The following IRF6 variants were observed in gnomAD, a reference collection of about 807,000 sequenced individuals.
IRF6 encodes the protein interferon regulatory factor 6.
Under a neutral mutation model 51.4 loss-of-function variants are expected in IRF6, and 6 were observed. That is an observed-to-expected ratio of 0.12 (90% confidence interval 0.06 to 0.23). IRF6 has a LOEUF of 0.23. Ranked by LOEUF, IRF6 falls within the 10% of genes least tolerant of loss-of-function variation. The probability of loss-of-function intolerance (pLI) is 1.00; values close to 1 mark genes in which losing one functional copy is unlikely to be tolerated. For synonymous variants in IRF6, 178 were observed against 215.7 expected (o/e 0.83, Z 1.53); for missense variants, 348 against 585.2 (o/e 0.59, Z 4.18).
At chr1:209,804,387 G>A (rs1263206433) in intron 1 of IRF6, among the ~76,000 whole-genome samples, 1 of 152,096 alleles carries the variant, frequency 6.6e-6, no homozygotes, top group Non-Finnish European at 1.5e-5. Context: ...TGCGCACCAA[G>A]AAAGTAAACT....
chr1:209,789,055 G>A (rs1246942252), intron 8 of IRF6, among the ~76,000 whole-genome samples: 4 of 152,360 alleles, frequency 2.6e-5, no homozygotes, highest in East Asian at 1.9e-4. Flanking sequence ...GCCAGGTATC[G>A]TGGCTTACAC....
At chr1:209,795,254 C>T in intron 5 of IRF6, 36 bp downstream of exon 5, 1 of 1,612,476 alleles carries the variant, frequency 6.2e-7, no homozygotes, top group East Asian at 2.2e-5. Flanking sequence ...CTTACATCCT[C>T]CATATGTCTC....
Position 209,801,208 on chromosome 1 carries a change from A to G in IRF6, c.174+32T>C, listed in dbSNP as rs754950431. 5 of 1,446,396 alleles carry G rather than the reference A, an allele frequency of 3.5e-6. No homozygotes were observed. The South Asian group carries it at 5.9e-5, about 17-fold the overall frequency. 89.6% of individuals were successfully genotyped at this position (1,446,396 alleles called of 1,614,324 possible). A position where few individuals can be genotyped will look rare whatever the true frequency, so the allele number is the denominator to read the frequency against. ...CAAAAAAAAAAAAAAAAAAAAATCC[A>G]GAAAGGTCTGATGGTAGAAGAAGTC... On this transcript the variant is annotated intron_variant, in intron 3 of 8. Coordinates refer to ENST00000367021, the MANE Select transcript of IRF6 (RefSeq NM_006147.4).
chr1:209,792,506 G>A, intron 5 of IRF6, 79 bp from the exon 6 acceptor site: 2 of 1,495,984 alleles, frequency 1.3e-6, no homozygotes, highest in South Asian at 1.1e-5. Context: ...AACTCACAAG[G>A]TCAGTAGACA....
chr1:209,802,659 T>C (rs1379828789), intron 1 of IRF6, among the ~76,000 whole-genome samples: 1 of 152,168 alleles, frequency 6.6e-6, no homozygotes, highest in Non-Finnish European at 1.5e-5. Context: ...CACTGGAACT[T>C]CTCAAGCCCC....
intron 3 of IRF6, among the ~76,000 whole-genome samples, chr1:209,799,546 A>G (rs1438043852): frequency 6.6e-6 from 1 of 152,190 alleles, no homozygotes; most frequent in Non-Finnish European, 1.5e-5. Context: ...CTCCCCCTGC[A>G]CTCTGCAAAC....
chr1:209,800,940 AC>A (rs1378303729), intron 3 of IRF6, among the ~76,000 whole-genome samples: 3 of 152,118 alleles, frequency 2.0e-5, no homozygotes, highest in Non-Finnish European at 4.4e-5. Flanking sequence ...TCAACTGCTG[AC>A]CCTCGCTAGC....
At position 209,799,463 on chromosome 1, in the gene IRF6, A is replaced by G. The variant is rs534548240; in HGVS notation, c.174+1777T>C. The stretch of plus-strand genomic sequence containing the variant: ...ATTAAAAGAGATAATGGACACAGAC[A>G]CCCATTTAATGTTAGTGCCCCAGCT... On this transcript the variant is annotated intron_variant, in intron 3 of 8. Transcript: ENST00000367021. 7.9e-5 allele frequency among the ~76,000 whole-genome samples: 12 copies of G among 152,298 alleles called. No individual in the cohort carries two copies. In the South Asian group the frequency reaches 2.5e-3, roughly 32 times the overall value.
rs747738979 is a variant in IRF6, at chr1:209,796,259, T to TC, written c.379+88dup. ...CTTTATCCATCTTAAACTGTGTAAA[T>TC]CAGGCTGTTTTCAAGTTGACTATCT... On this transcript the variant is annotated intron_variant, in intron 4 of 8. Transcript: ENST00000367021. The surrounding 1 kb of genome is among the most constrained non-coding windows in gnomAD (Gnocchi z 4.5). The TC allele has an allele frequency of 6.4e-6, 7 of 1,089,362 alleles. No homozygotes were observed. Among genetic ancestry groups the TC allele is most frequent in the Non-Finnish European group, 9.7e-6 (7 of 719,798 alleles). 67.5% of individuals were successfully genotyped at this position (1,089,362 alleles called of 1,614,324 possible).
rs1201366333 is a variant in IRF6 at position 209,790,665 on chromosome 1, A to G, written c.890T>C (p.Val297Ala). 3.1e-6 allele frequency: 5 copies of G among 1,614,228 alleles called. No homozygotes were observed. Among genetic ancestry groups the G allele is most frequent in the Non-Finnish European group, 4.2e-6 (5 of 1,180,040 alleles). Residue 297 changes from valine (V) to alanine (A), a missense_variant, in exon 7 of 9, where the codon GTC becomes GCC. Transcript: ENST00000367021. This position sits in a 1 kb window ranked among gnomAD's most constrained non-coding sequence, Gnocchi z 4.8. Reference sequence around the variant, plus strand: ...CTCCAGGATCAGTCCTCTGTCCATGACGTCCAGCAGCTTGCTAGTGAACAG... The same window carrying G: ...CTCCAGGATCAGTCCTCTGTCCATGGCGTCCAGCAGCTTGCTAGTGAACAG... ...QKLFTSKLLD[V>A]MDRGLILEVS... is the part of the protein sequence containing the mutation.
At position 209,801,870 on chromosome 1, in the gene IRF6, A is replaced by G. The variant is rs147419621; in HGVS notation, c.-4+102T>C. On this transcript the variant is annotated intron_variant, in intron 2 of 8. Transcript: ENST00000367021. ...GACACATGTTCTCTTTTTAAACAAG[A>G]CAACTAAAGGTGAATGGGAATATTT... 8.7e-3 allele frequency: 1,333 copies of G among 153,606 alleles called. 10 individuals carry two copies. The highest frequency in any genetic ancestry group is 0.012 in the Non-Finnish European group (797 of 69,016). 9.5% of individuals were successfully genotyped at this position (153,606 alleles called of 1,614,324 possible).
chr1:209,802,938 G>A (rs542782903), intron 1 of IRF6, among the ~76,000 whole-genome samples: 83 of 152,284 alleles, frequency 5.5e-4, no homozygotes, highest in Middle Eastern at 3.4e-3. Context: ...CCAACTCAGC[G>A]TCTGGCACTT....
rs1571979374 is a variant in IRF6, at chr1:209,790,370, T to C, written c.1060+125A>G. ...AAAGTTCTGTTCTCCCTTGACCTCC[T>C]CCAGACTAAATTTTTTAAGATCTTT... On this transcript the variant is annotated intron_variant, in intron 7 of 8. Transcript: ENST00000367021. This position sits in a 1 kb window ranked among gnomAD's most constrained non-coding sequence, Gnocchi z 4.8. 8.5e-7 allele frequency: 1 copy of C among 1,172,924 alleles called. No individual in the cohort carries two copies. The allele number at this position is 1,172,924 out of a possible 1,614,324, so 72.7% of individuals were successfully genotyped here.
intron 3 of IRF6, among the ~76,000 whole-genome samples, chr1:209,799,194 G>A (rs922274392): frequency 6.6e-6 from 1 of 152,156 alleles, no homozygotes; most frequent in Non-Finnish European, 1.5e-5. Flanking sequence ...AGCCCAGAGA[G>A]GTTAACTTGC....
At chr1:209,793,814 C>T (rs578151719) in intron 5 of IRF6, among the ~76,000 whole-genome samples, 4 of 152,204 alleles carry the variant, frequency 2.6e-5, no homozygotes, top group African/African-American at 4.8e-5. Flanking sequence ...AGTGGGAACA[C>T]GTAGTATTTG....
chr1:209,788,958 G>T (rs2077851360), intron 8 of IRF6, among the ~76,000 whole-genome samples: 1 of 152,246 alleles, frequency 6.6e-6, no homozygotes, highest in African/African-American at 2.4e-5. Flanking sequence ...CAGGGGCAAA[G>T]CCCAAGTGGC....
Position 209,796,676 on chromosome 1 carries a change from C to CACAA in IRF6, c.175-125_175-124insTTGT, listed in dbSNP as rs2077904048. 1.3e-5 allele frequency: 10 copies of CACAA among 759,916 alleles called. No individual in the cohort carries two copies. The highest frequency in any genetic ancestry group is 2.0e-5 in the Non-Finnish European group (9 of 452,674). 47.1% of individuals were successfully genotyped at this position (759,916 alleles called of 1,614,324 possible). ...ACACACACACACACACACACACACA[C>CACAA]AACTTTTGCATGACTGCCCCATCAT... On this transcript the variant is annotated intron_variant, in intron 3 of 8. Transcript: ENST00000367021. This position sits in a 1 kb window ranked among gnomAD's most constrained non-coding sequence, Gnocchi z 4.5.
Position 209,790,485 on chromosome 1 carries a change from A to G in IRF6, c.1060+10T>C. ...GATTCCCACGATCAACTTTCTGAGA[A>G]ATGACTTACCGCTAAGGAATGTTTC... On this transcript the variant is annotated intron_variant, in intron 7 of 8. Transcript: ENST00000367021. The surrounding 1 kb of genome is among the most constrained non-coding windows in gnomAD (Gnocchi z 4.8). 6.2e-7 allele frequency: 1 copy of G among 1,613,410 alleles called. No homozygotes were observed. Among genetic ancestry groups the G allele is most frequent in the Non-Finnish European group, 8.5e-7 (1 of 1,179,958 alleles).
At chr1:209,789,151 C>A (rs768449436) in intron 8 of IRF6, among the ~76,000 whole-genome samples, 1 of 151,932 alleles carries the variant, frequency 6.6e-6, no homozygotes, top group East Asian at 1.9e-4. Flanking sequence ...CATAGTGAGA[C>A]CTCATCTCTG....
Sources: allele counts gnomAD v4.1 joint callset (sites outside exome capture counted in the v4.1 genomes callset), GRCh38; gene constraint gnomAD v4.1.1; non-coding constraint Gnocchi (gnomAD v3.1); transcripts MANE v1.5; gene names NCBI Gene and HGNC (gene_info 2026-07-23, HGNC 2026-07-21).